The following KIAA1217 variants were observed in gnomAD, a reference collection of about 807,000 sequenced individuals.
The protein encoded by KIAA1217 is KIAA1217, also known as sickle tail protein homolog.
A neutral mutation model predicts 163.9 loss-of-function variants in KIAA1217; 88 were observed. That is an observed-to-expected ratio of 0.54 (90% CI 0.45 to 0.64). The LOEUF (loss-of-function observed/expected upper bound fraction) is 0.64. Ranked by LOEUF, KIAA1217 falls within the 30% of genes least tolerant of loss-of-function variation. The probability of loss-of-function intolerance (pLI) is 0.00; values close to 1 mark genes in which losing one functional copy is unlikely to be tolerated. For missense variants in KIAA1217, 2,372 were observed against 2,475.0 expected (o/e 0.96, Z 0.88); for synonymous variants, 903 against 923.1 (o/e 0.98, Z 0.39).
intron 1 of KIAA1217, among the ~76,000 whole-genome samples, chr10:23,842,147 T>C (rs1588927049): frequency 1.3e-5 from 2 of 152,078 alleles, no homozygotes; most frequent in South Asian, 4.1e-4. Context: ...GGATTACAGG[T>C]GTGAGCCACC....
chr10:23,883,567 A>T (rs1314431729), intron 1 of KIAA1217, among the ~76,000 whole-genome samples: 1 of 151,926 alleles, frequency 6.6e-6, no homozygotes, highest in Non-Finnish European at 1.5e-5. Context: ...AGCGTCTCCC[A>T]TTAGCAACGT....
rs1363125155 is a variant in KIAA1217, at chr10:23,742,627, T to C, written c.-321+47393T>C. On this transcript the variant is annotated intron_variant, in intron 1 of 18. Transcript: ENST00000376462. ...TAAAGCAGTCACATCCTGTGTGAAC[T>C]CAGAGCAAGAGCTCACTTATCACCA... Among the ~76,000 whole-genome samples, 3 of 152,266 alleles carry C rather than the reference T, an allele frequency of 2.0e-5. No individual in the cohort carries two copies. In the East Asian group the frequency reaches 5.8e-4, roughly 29 times the overall value.
intron 2 of KIAA1217, among the ~76,000 whole-genome samples, chr10:24,246,213 CAGA>C (rs1278868420): frequency 2.0e-5 from 3 of 152,168 alleles, no homozygotes; most frequent in African/African-American, 7.2e-5. Context: ...TTATGACGGT[CAGA>C]AGAAGACAGA....
chr10:24,359,007 C>T (rs190096943), intron 2 of KIAA1217, among the ~76,000 whole-genome samples: 21 of 151,860 alleles, frequency 1.4e-4, no homozygotes, highest in African/African-American at 4.8e-4. Flanking sequence ...CACAGTCGTC[C>T]TATAGTTAGC....
chr10:24,292,387 C>T (rs1275996583), intron 2 of KIAA1217, among the ~76,000 whole-genome samples: 1 of 152,222 alleles, frequency 6.6e-6, no homozygotes. Context: ...CCTGGAACCT[C>T]AGGCTGGCCA....
At chr10:24,274,052 A>G (rs2077032148) in intron 2 of KIAA1217, among the ~76,000 whole-genome samples, 1 of 152,206 alleles carries the variant, frequency 6.6e-6, no homozygotes, top group Non-Finnish European at 1.5e-5. Flanking sequence ...CCAGTAAGTA[A>G]TAAGGCAATG....
intron 2 of KIAA1217, among the ~76,000 whole-genome samples, chr10:24,189,491 A>G (rs946418363): frequency 2.0e-5 from 3 of 152,190 alleles, no homozygotes; most frequent in Admixed American, 1.3e-4. Flanking sequence ...ACACATGTGC[A>G]CACACTTTTA....
intron 2 of KIAA1217, among the ~76,000 whole-genome samples, chr10:24,173,664 A>C (rs924422446): frequency 6.6e-6 from 1 of 152,206 alleles, no homozygotes. Context: ...TTTCATAGAC[A>C]CTCAAAGTAG....
chr10:24,381,330 T>G (rs1413139324), intron 3 of KIAA1217, among the ~76,000 whole-genome samples: 1 of 152,202 alleles, frequency 6.6e-6, no homozygotes, highest in East Asian at 1.9e-4. Flanking sequence ...AGTAGTATTT[T>G]ACCTATGTTC....
chr10:24,161,500 T>A (rs1287581690), intron 2 of KIAA1217, among the ~76,000 whole-genome samples: 1 of 152,216 alleles, frequency 6.6e-6, no homozygotes, highest in Admixed American at 6.5e-5. Context: ...ACACAAGACT[T>A]TTCTGTCCCT....
intron 2 of KIAA1217, among the ~76,000 whole-genome samples, chr10:24,232,507 G>A (rs1468967872): frequency 1.3e-5 from 2 of 152,116 alleles, no homozygotes; most frequent in Non-Finnish European, 2.9e-5. Context: ...GGGGAAGTAT[G>A]GAAAGGCAAG....
chr10:24,438,553 G>T, intron 5 of KIAA1217, 74 bp downstream of exon 5: 1 of 982,828 alleles, frequency 1.0e-6, no homozygotes, highest in Non-Finnish European at 1.6e-6. Flanking sequence ...TACTCCTGAT[G>T]TAATCAGAAC....
intron 3 of KIAA1217, among the ~76,000 whole-genome samples, chr10:24,393,597 T>G (rs2130874041): frequency 6.6e-6 from 1 of 152,352 alleles, no homozygotes. Context: ...CTCCTAATAC[T>G]TCAGCATGTG....
chr10:24,334,567 T>C (rs1053013280), intron 2 of KIAA1217, among the ~76,000 whole-genome samples: 1 of 152,192 alleles, frequency 6.6e-6, no homozygotes, highest in Admixed American at 6.5e-5. Flanking sequence ...GTCCTTATAA[T>C]AAGGACTTAT....
intron 2 of KIAA1217, among the ~76,000 whole-genome samples, chr10:24,045,932 A>G (rs1461075828): frequency 1.3e-5 from 2 of 152,130 alleles, no homozygotes; most frequent in Non-Finnish European, 2.9e-5. Context: ...TTTTCATGAT[A>G]CAAACCCACC....
At chr10:24,250,135 C>T (rs1261105380) in intron 2 of KIAA1217, among the ~76,000 whole-genome samples, 1 of 152,130 alleles carries the variant, frequency 6.6e-6, no homozygotes, top group East Asian at 1.9e-4. Flanking sequence ...GAAGTCAAGC[C>T]TGGAGATTAC....
intron 2 of KIAA1217, among the ~76,000 whole-genome samples, chr10:24,033,350 A>T (rs1316533713): frequency 6.6e-6 from 1 of 152,132 alleles, no homozygotes; most frequent in African/African-American, 2.4e-5. Flanking sequence ...GCAGACCACA[A>T]ATTCAGTTAT....
At chr10:24,414,174 G>C (rs2058040794) in intron 3 of KIAA1217, among the ~76,000 whole-genome samples, 1 of 152,202 alleles carries the variant, frequency 6.6e-6, no homozygotes. Flanking sequence ...TAATAGTCCA[G>C]TCTGCTTTGC....
upstream of KIAA1217, among the ~76,000 whole-genome samples, chr10:24,206,441 A>C (rs571581380): frequency 6.6e-6 from 1 of 152,362 alleles, no homozygotes; most frequent in Admixed American, 6.5e-5. Context: ...GTTTATATAG[A>C]TTGCAGAATA....
Sources: gnomAD v4.1 joint callset for allele counts (sites outside exome capture counted in the v4.1 genomes callset) on GRCh38, gnomAD v4.1.1 for gene constraint, MANE v1.5 for transcripts, NCBI Gene and HGNC (gene_info 2026-07-23, HGNC 2026-07-21) for gene names.